Variants in ATRNL1 observed in about 807,000 individuals in gnomAD.
ATRNL1 encodes the protein attractin like 1, also known as attractin-like protein 1.
ATRNL1 carries 95 observed loss-of-function variants against 182.7 expected under a neutral mutation model. The ratio of observed to expected loss-of-function variants is 0.52; its 90% CI spans 0.44 to 0.62. The LOEUF (loss-of-function observed/expected upper bound fraction) is 0.62, where lower values mean the gene tolerates loss of function less well. Ranked by LOEUF, ATRNL1 falls within the 20% of genes least tolerant of loss-of-function variation. The pLI is 0.00. For missense variants in ATRNL1, 1,471 were observed against 1,679.5 expected, an observed-to-expected ratio of 0.88 and a Z score of 2.17; for synonymous variants, 576 against 568.3, an observed-to-expected ratio of 1.01 and a Z score of -0.19.
rs782670374 is a variant in ATRNL1 at position 115,127,666 on chromosome 10, T to C, written c.565T>C (p.Leu189=). The stretch of plus-strand genomic sequence containing the variant: ...TGTTACTACATCTGGCTATGCACTG[T>C]TACATTTTTTTAGTGATGCTGCGTA... ...EVVTTSGYAL[L]HFFSDAAYNL... Residue 189 remains leucine (L), a synonymous_variant, in exon 4 of 29, where the codon TTA becomes CTA. Coordinates refer to ENST00000355044, the MANE Select transcript of ATRNL1 (RefSeq NM_207303.4). 4 of 1,580,452 alleles carry C rather than the reference T, an allele frequency of 2.5e-6. No individual in the cohort carries two copies. The highest frequency in any genetic ancestry group is 3.9e-5 in the Admixed American group (2 of 51,510).
At chr10:115,638,193 A>G (rs1361050078) in intron 26 of ATRNL1, among the ~76,000 whole-genome samples, 1 of 151,958 alleles carries the variant, frequency 6.6e-6, no homozygotes, top group Non-Finnish European at 1.5e-5. Context: ...TACCTTTTCT[A>G]TATTTAGATA....
intron 5 of ATRNL1, among the ~76,000 whole-genome samples, chr10:115,150,622 G>T (rs1366027790): frequency 4.0e-5 from 6 of 151,666 alleles, no homozygotes; most frequent in Non-Finnish European, 8.8e-5. Context: ...TTTTAAATTT[G>T]CATGTATTTG....
intron 18 of ATRNL1, among the ~76,000 whole-genome samples, chr10:115,317,706 T>C (rs2134020371): frequency 6.6e-6 from 1 of 152,284 alleles, no homozygotes; most frequent in Non-Finnish European, 1.5e-5. Flanking sequence ...TGTGTATTGT[T>C]GGTGTAAAGG....
intron 8 of ATRNL1, among the ~76,000 whole-genome samples, chr10:115,172,026 G>A (rs868931317): frequency 1.3e-5 from 2 of 151,964 alleles, no homozygotes; most frequent in Non-Finnish European, 2.9e-5. Context: ...TTTGTGTATG[G>A]ACAACTATAT....
chr10:115,892,287 A>T (rs1555111455), intron 28 of ATRNL1, among the ~76,000 whole-genome samples: 2 of 152,172 alleles, frequency 1.3e-5, no homozygotes, highest in Admixed American at 1.3e-4. Context: ...CTTTGGAAGG[A>T]GTATGGTAAA....
chr10:115,626,383 T>A (rs537550892), intron 26 of ATRNL1, among the ~76,000 whole-genome samples: 3 of 152,172 alleles, frequency 2.0e-5, no homozygotes, highest in African/African-American at 7.2e-5. Flanking sequence ...ATCATCATAC[T>A]TAGAGGTAAT....
At chr10:115,666,642 A>G (rs1861016972) in intron 26 of ATRNL1, among the ~76,000 whole-genome samples, 1 of 152,178 alleles carries the variant, frequency 6.6e-6, no homozygotes, top group Admixed American at 6.6e-5. Context: ...CTGGCAACAT[A>G]TGGCTATTTA....
At chr10:115,267,276 TAA>T (rs1851647151) in intron 12 of ATRNL1, among the ~76,000 whole-genome samples, 1 of 151,020 alleles carries the variant, frequency 6.6e-6, no homozygotes, top group Non-Finnish European at 1.5e-5. Context: ...TTTTCTAATA[TAA>T]GTTTAAAATG....
At chr10:115,939,325 A>G (rs1351574259) in intron 28 of ATRNL1, among the ~76,000 whole-genome samples, 3 of 152,214 alleles carry the variant, frequency 2.0e-5, no homozygotes, top group Non-Finnish European at 4.4e-5. Flanking sequence ...AGCAAGGACC[A>G]GTTTGAAAAC....
chr10:115,918,716 G>A (rs1469455788), intron 28 of ATRNL1, among the ~76,000 whole-genome samples: 1 of 152,192 alleles, frequency 6.6e-6, no homozygotes, highest in East Asian at 1.9e-4. Context: ...AAATTGTGTA[G>A]TATGGGCTTT....
intron 1 of ATRNL1, among the ~76,000 whole-genome samples, chr10:115,106,328 C>T (rs998141670): frequency 4.6e-5 from 7 of 152,146 alleles, no homozygotes; most frequent in Admixed American, 2.6e-4. Context: ...TAGGAAGTAA[C>T]TAGCTTGCTT....
At chr10:115,690,408 C>T (rs1183026547) in intron 26 of ATRNL1, among the ~76,000 whole-genome samples, 1 of 152,104 alleles carries the variant, frequency 6.6e-6, no homozygotes, top group African/African-American at 2.4e-5. Flanking sequence ...CAATAGGGTT[C>T]TCGCTCCTGT....
intron 1 of ATRNL1, among the ~76,000 whole-genome samples, chr10:115,114,588 T>C (rs1189369761): frequency 1.3e-5 from 2 of 152,148 alleles, no homozygotes; most frequent in African/African-American, 4.8e-5. Flanking sequence ...ATAATCTGAA[T>C]AGACATTTTT....
intron 9 of ATRNL1, among the ~76,000 whole-genome samples, chr10:115,217,272 C>G (rs1054288104): frequency 1.3e-5 from 2 of 151,924 alleles, no homozygotes; most frequent in African/African-American, 4.8e-5. Flanking sequence ...ATTTTTAGTA[C>G]AGATGGGGTT....
At chr10:115,127,536 T>C in intron 3 of ATRNL1, 57 bp from the exon 4 acceptor site, 1 of 1,427,448 alleles carries the variant, frequency 7.0e-7, no homozygotes, top group Non-Finnish European at 9.6e-7. Flanking sequence ...AAATTTTATG[T>C]GCTTAACAGT....
rs1417424327 is a variant in ATRNL1 at position 115,246,768 on chromosome 10, G to A, written c.1687+5043G>A. ...GTAGAGACGGGGTTTCACCTTGTTA[G>A]CCAGGATGGTCTCGATCTCCTGACC... On this transcript the variant is annotated intron_variant, in intron 10 of 28. Coordinates refer to ENST00000355044, the MANE Select transcript of ATRNL1 (RefSeq NM_207303.4). Among the ~76,000 whole-genome samples, 43 of 69,880 alleles carry A rather than the reference G, an allele frequency of 6.2e-4. 10 individuals are homozygous for A. The South Asian group carries it at 0.019, about 31-fold the overall frequency. 45.8% of individuals were successfully genotyped at this position (69,880 alleles called of 152,430 possible).
chr10:115,174,544 G>A (rs1260107195), intron 8 of ATRNL1, among the ~76,000 whole-genome samples: 1 of 151,730 alleles, frequency 6.6e-6, no homozygotes, highest in Non-Finnish European at 1.5e-5. Context: ...AAAATAAACA[G>A]TAAGTATATC....
chr10:115,419,359 A>G (rs1845550756), intron 20 of ATRNL1, among the ~76,000 whole-genome samples: 1 of 152,162 alleles, frequency 6.6e-6, no homozygotes, highest in African/African-American at 2.4e-5. Context: ...CCTTTAAGAG[A>G]GGAAAAAAGG....
At chr10:115,137,019 A>C (rs887943493) in intron 5 of ATRNL1, among the ~76,000 whole-genome samples, 4 of 152,230 alleles carry the variant, frequency 2.6e-5, no homozygotes, top group African/African-American at 9.6e-5. Context: ...ATTCATGTTC[A>C]TGTGTAAAGA....
Sources: allele counts gnomAD v4.1 joint callset (sites outside exome capture counted in the v4.1 genomes callset), GRCh38; gene constraint gnomAD v4.1.1; transcripts MANE v1.5; gene names NCBI Gene and HGNC (gene_info 2026-07-23, HGNC 2026-07-21).